Variants in MTCL2 observed in about 807,000 individuals in gnomAD.
The protein encoded by MTCL2 is microtubule crosslinking factor 2.
the MTCL2 span, among the ~76,000 whole-genome samples, chr20:36,858,592 T>C: frequency 6.6e-6 from 1 of 151,398 alleles, no homozygotes; most frequent in Admixed American, 6.6e-5. Context: ...ATTCTAAAAC[T>C]AAGGAAATCC....
At chr20:36,820,659 T>C in the MTCL2 span, among the ~76,000 whole-genome samples, 2 of 151,952 alleles carry the variant, frequency 1.3e-5, no homozygotes, top group Admixed American at 1.3e-4. Context: ...CTGGCCAACA[T>C]AGTGAAACCC....
At chr20:36,790,935 GA>G in the MTCL2 span, among the ~76,000 whole-genome samples, 6 of 152,080 alleles carry the variant, frequency 3.9e-5, no homozygotes, top group African/African-American at 1.2e-4. Context: ...TGAGAGTATA[GA>G]AAAGTAACGC....
the MTCL2 span, chr20:36,862,808 C>T: frequency 1.4e-6 from 2 of 1,392,256 alleles, no homozygotes; most frequent in African/African-American, 3.0e-5. Context: ...CGGCCACCGA[C>T]GGCTCGTCCG....
chr20:36,793,053 T>C, the MTCL2 span: 333 of 592,756 alleles, frequency 5.6e-4, 1 homozygote, highest in African/African-American at 5.6e-3. This position sits in a 1 kb window ranked among gnomAD's most constrained non-coding sequence, Gnocchi z 6.8. Flanking sequence ...AACAGGTGCA[T>C]GCCACCACGC....
At chr20:36,809,413 C>T in the MTCL2 span, among the ~76,000 whole-genome samples, 1 of 152,128 alleles carries the variant, frequency 6.6e-6, no homozygotes, top group Non-Finnish European at 1.5e-5. Flanking sequence ...GGCACCATTT[C>T]ATAAATGGGA....
At chr20:36,796,891 C>T in the MTCL2 span, 2 of 1,613,972 alleles carry the variant, frequency 1.2e-6, no homozygotes, top group East Asian at 2.2e-5. Context: ...CCTCTTTAAA[C>T]CATTTCCTCC....
At chr20:36,790,235 C>T in the MTCL2 span, among the ~76,000 whole-genome samples, 1 of 151,708 alleles carries the variant, frequency 6.6e-6, no homozygotes. Flanking sequence ...TCATGATCCA[C>T]CCACCTCAGC....
chr20:36,816,290 C>T, the MTCL2 span: 1 of 1,588,348 alleles, frequency 6.3e-7, no homozygotes, highest in Non-Finnish European at 8.5e-7. Context: ...ACTGGCACTT[C>T]AGGTCTGCAC....
chr20:36,837,543 C>T, the MTCL2 span, among the ~76,000 whole-genome samples: 3 of 131,918 alleles, frequency 2.3e-5, no homozygotes, highest in Admixed American at 8.6e-5. Context: ...TGGCATTTTA[C>T]CCACATTATT....
chr20:36,809,020 C>T, the MTCL2 span, among the ~76,000 whole-genome samples: 16 of 152,220 alleles, frequency 1.1e-4, no homozygotes, highest in Non-Finnish European at 1.6e-4. Flanking sequence ...AAATGTCTCA[C>T]ACGAATGCTC....
the MTCL2 span, chr20:36,828,593 T>C: frequency 1.3e-5 from 2 of 154,942 alleles, no homozygotes; most frequent in African/African-American, 4.8e-5. Context: ...TCACACCAAA[T>C]GGCAGGATCT....
chr20:36,836,246 C>A, the MTCL2 span, among the ~76,000 whole-genome samples: 3 of 151,876 alleles, frequency 2.0e-5, no homozygotes, highest in Non-Finnish European at 4.4e-5. Flanking sequence ...GCAATCATAG[C>A]TCACTGAAAC....
chr20:36,780,585 G>A, the MTCL2 span: 1 of 152,194 alleles, frequency 6.6e-6, no homozygotes, highest in Non-Finnish European at 1.5e-5. Flanking sequence ...TGAAAGGCTG[G>A]GCTGGGGACA....
the MTCL2 span, among the ~76,000 whole-genome samples, chr20:36,818,413 C>A: frequency 1.3e-5 from 2 of 152,006 alleles, no homozygotes; most frequent in South Asian, 4.1e-4. Context: ...TCTCAAAGAA[C>A]AAACAACAAC....
the MTCL2 span, chr20:36,815,317 G>A: frequency 8.1e-6 from 13 of 1,613,902 alleles, no homozygotes; most frequent in South Asian, 1.3e-4. This position sits in a 1 kb window ranked among gnomAD's most constrained non-coding sequence, Gnocchi z 5.3. Flanking sequence ...GCATGGATGA[G>A]CTTGGTGTCC....
At chr20:36,844,886 G>C in the MTCL2 span, among the ~76,000 whole-genome samples, 1 of 151,658 alleles carries the variant, frequency 6.6e-6, no homozygotes, top group Non-Finnish European at 1.5e-5. Context: ...CAGGCATGGT[G>C]GCAGGTGCCT....
At chr20:36,779,678 T>C in the MTCL2 span, 5 of 151,994 alleles carry the variant, frequency 3.3e-5, no homozygotes, top group African/African-American at 1.2e-4. Flanking sequence ...CACCACCACA[T>C]TTGAGAGCAA....
At chr20:36,827,591 C>T in the MTCL2 span, among the ~76,000 whole-genome samples, 1 of 152,028 alleles carries the variant, frequency 6.6e-6, no homozygotes, top group African/African-American at 2.4e-5. Context: ...CTTGGCCTCC[C>T]AAAGTGCTGG....
At chr20:36,856,298 T>G in the MTCL2 span, among the ~76,000 whole-genome samples, 1 of 152,122 alleles carries the variant, frequency 6.6e-6, no homozygotes, top group African/African-American at 2.4e-5. Context: ...CTCCAGGAAG[T>G]CTGCCAAGTC....
Sources: allele counts gnomAD v4.1 joint callset (sites outside exome capture counted in the v4.1 genomes callset), GRCh38; gene constraint gnomAD v4.1.1; non-coding constraint Gnocchi (gnomAD v3.1); transcripts MANE v1.5; gene names NCBI Gene and HGNC (gene_info 2026-07-23, HGNC 2026-07-21).